The following TNR variants were observed in gnomAD, a reference collection of about 807,000 sequenced individuals.
TNR encodes tenascin-R.
A neutral mutation model predicts 150.4 loss-of-function variants in TNR; 45 were observed. The observed-to-expected ratio is 0.30, with a 90% CI of 0.24 to 0.38. The LOEUF (loss-of-function observed/expected upper bound fraction) is 0.38, where lower values mean the gene tolerates loss of function less well. Ranked by LOEUF, TNR falls within the 10% of genes least tolerant of loss-of-function variation. The pLI, the probability that TNR is intolerant of heterozygous loss-of-function variation, is 1.00. For missense variants in TNR, 1,544 were observed against 1,759.1 expected, an observed-to-expected ratio of 0.88 and a Z score of 2.19; for synonymous variants, 687 against 678.4, an observed-to-expected ratio of 1.01 and a Z score of -0.20.
chr1:175,514,703 C>G (rs779909806), intron 2 of TNR, among the ~76,000 whole-genome samples: 1 of 152,198 alleles, frequency 6.6e-6, no homozygotes, highest in African/African-American at 2.4e-5. Context: ...CCTGAACAGG[C>G]TTGATTTTAA....
chr1:175,725,211 C>T (rs1295058134), intron 1 of TNR, among the ~76,000 whole-genome samples: 3 of 152,188 alleles, frequency 2.0e-5, no homozygotes, highest in Admixed American at 6.5e-5. Flanking sequence ...GCCATCTATA[C>T]AGAAGGCAAG....
At chr1:175,344,023 AT>A (rs1650651723) in intron 18 of TNR, among the ~76,000 whole-genome samples, 1 of 152,222 alleles carries the variant, frequency 6.6e-6, no homozygotes, top group South Asian at 2.1e-4. Flanking sequence ...GAAAGCAGGG[AT>A]TTATTAAAGC....
intron 2 of TNR, among the ~76,000 whole-genome samples, chr1:175,505,400 G>A (rs1290152632): frequency 6.6e-6 from 1 of 152,230 alleles, no homozygotes; most frequent in Non-Finnish European, 1.5e-5. Context: ...GGGAGACCGC[G>A]CGCTAAGCAT....
chr1:175,703,976 A>G (rs562392862), intron 1 of TNR, among the ~76,000 whole-genome samples: 1 of 152,282 alleles, frequency 6.6e-6, no homozygotes, highest in South Asian at 2.1e-4. Flanking sequence ...GTAGTCAAAG[A>G]GGACTTTATT....
chr1:175,625,001 G>A (rs1440267295), intron 1 of TNR, among the ~76,000 whole-genome samples: 1 of 152,226 alleles, frequency 6.6e-6, no homozygotes, highest in Non-Finnish European at 1.5e-5. Flanking sequence ...AAGCTCAATT[G>A]CACCTCTAGG....
intron 2 of TNR, among the ~76,000 whole-genome samples, chr1:175,429,378 G>T (rs561974792): frequency 5.3e-5 from 8 of 152,268 alleles, no homozygotes; most frequent in African/African-American, 1.9e-4. Context: ...GGTATTAAAA[G>T]AACAGATTCT....
chr1:175,631,842 CTCTT>C (rs1467025881), intron 1 of TNR, among the ~76,000 whole-genome samples: 1 of 152,122 alleles, frequency 6.6e-6, no homozygotes, highest in East Asian at 1.9e-4. Context: ...AAGATATTAG[CTCTT>C]TCTTTATGCT....
At chr1:175,725,282 A>G (rs1490470573) in intron 1 of TNR, among the ~76,000 whole-genome samples, 1 of 152,220 alleles carries the variant, frequency 6.6e-6, no homozygotes, top group African/African-American at 2.4e-5. Context: ...CTCTAGAACT[A>G]GAATATCCAA....
rs1649141533 is a variant in TNR, at chr1:175,322,944, G to A, written c.*413C>T. On this transcript the variant is annotated 3_prime_UTR_variant, in exon 23 of 23. Transcript: ENST00000367674. ...CTGAGGCTCTTTTCTCTGGGCCAGT[G>A]TGAGAACCTGGCCATGTCAGGCTGT... is the stretch of plus-strand genomic sequence containing the variant. 1 of 155,040 alleles carries A rather than the reference G, an allele frequency of 6.4e-6. No individual in the cohort carries two copies. The highest frequency in any genetic ancestry group is 2.4e-5 in the African/African-American group (1 of 41,524). 9.6% of individuals were successfully genotyped at this position (155,040 alleles called of 1,614,324 possible). A position where few individuals can be genotyped will look rare whatever the true frequency, so the allele number is the denominator to read the frequency against.
intron 1 of TNR, among the ~76,000 whole-genome samples, chr1:175,601,002 C>T (rs921733013): frequency 2.0e-5 from 3 of 152,222 alleles, no homozygotes; most frequent in Non-Finnish European, 4.4e-5. Flanking sequence ...TTTAGATAAA[C>T]TTTGCTGAGG....
At chr1:175,413,833 T>C (rs765664365) in intron 2 of TNR, among the ~76,000 whole-genome samples, 21 of 152,094 alleles carry the variant, frequency 1.4e-4, no homozygotes, top group Non-Finnish European at 2.8e-4. Context: ...TTAGTGCCCT[T>C]ATAAAAGACG....
intron 2 of TNR, among the ~76,000 whole-genome samples, chr1:175,513,028 T>A (rs1659254193): frequency 6.6e-6 from 1 of 152,194 alleles, no homozygotes; most frequent in Non-Finnish European, 1.5e-5. Flanking sequence ...GGCCCCAACT[T>A]ACACCTACTG....
At chr1:175,742,519 G>A (rs1476598499) in intron 1 of TNR, among the ~76,000 whole-genome samples, 1 of 152,110 alleles carries the variant, frequency 6.6e-6, no homozygotes, top group African/African-American at 2.4e-5. Flanking sequence ...GCCAGTCTCT[G>A]CAAAGCTCAA....
At chr1:175,714,668 A>G (rs1213963678) in intron 1 of TNR, among the ~76,000 whole-genome samples, 2 of 152,164 alleles carry the variant, frequency 1.3e-5, no homozygotes, top group African/African-American at 4.8e-5. Context: ...GTTTCCAGCT[A>G]CAGGGAACTC....
At chr1:175,663,219 G>A (rs1665430114) in intron 1 of TNR, among the ~76,000 whole-genome samples, 1 of 152,112 alleles carries the variant, frequency 6.6e-6, no homozygotes, top group African/African-American at 2.4e-5. Context: ...CTGAGCTCTG[G>A]CCCCTCACTC....
chr1:175,587,156 C>T (rs1189758193), intron 1 of TNR, among the ~76,000 whole-genome samples: 1 of 152,176 alleles, frequency 6.6e-6, no homozygotes, highest in African/African-American at 2.4e-5. Context: ...GGAAAATGCT[C>T]CATGTCCCAG....
chr1:175,554,900 A>C (rs1019408942), intron 1 of TNR, among the ~76,000 whole-genome samples: 1 of 152,218 alleles, frequency 6.6e-6, no homozygotes, highest in East Asian at 1.9e-4. Context: ...TTATGAATGG[A>C]AAATCTGTGG....
chr1:175,451,216 T>A (rs937722398), intron 2 of TNR, among the ~76,000 whole-genome samples: 8 of 142,598 alleles, frequency 5.6e-5, no homozygotes, highest in South Asian at 2.2e-4. Flanking sequence ...TTTTTTTTTT[T>A]AATGTTTTTA....
chr1:175,363,805 G>A lies in TNR; in HGVS notation c.2610C>T (p.Ile870=). 6.2e-7 allele frequency: 1 copy of A among 1,613,348 alleles called. No individual in the cohort carries two copies. Among genetic ancestry groups the A allele is most frequent in the Non-Finnish European group, 8.5e-7 (1 of 1,179,622 alleles). Residue 870 remains isoleucine (I), a synonymous_variant, in exon 13 of 23, where the codon ATC becomes ATT. Coordinates refer to ENST00000367674, the MANE Select transcript of TNR (RefSeq NM_003285.3). ...AGTCCTTGGTCACATTGCTAATTGT[G>A]ATGTCTTTTGGGGGATCAATTCCTA... ...ITTGIDPPKD[I]TISNVTKDSV...
Sources: gnomAD v4.1 joint callset for allele counts (sites outside exome capture counted in the v4.1 genomes callset) on GRCh38, gnomAD v4.1.1 for gene constraint, MANE v1.5 for transcripts, NCBI Gene and HGNC (gene_info 2026-07-23, HGNC 2026-07-21) for gene names.